Variants in AUTS2 observed in about 807,000 individuals in gnomAD.
AUTS2 encodes activator of transcription and developmental regulator AUTS2.
AUTS2 carries 17 observed loss-of-function variants against 112.4 expected under a neutral mutation model. That is an observed-to-expected ratio of 0.15 (90% CI 0.10 to 0.23). AUTS2 has a LOEUF of 0.23. Among genes scored for constraint, AUTS2 ranks in the 10% least tolerant of loss-of-function variants. The probability of loss-of-function intolerance (pLI) is 1.00; values close to 1 mark genes in which losing one functional copy is unlikely to be tolerated. For synonymous variants in AUTS2, 751 were observed against 702.7 expected, an observed-to-expected ratio of 1.07 and a Z score of -1.09; for missense variants, 1,510 against 1,701.6, an observed-to-expected ratio of 0.89 and a Z score of 1.98.
At chr7:69,731,375 G>A (rs1786783942) in intron 1 of AUTS2, among the ~76,000 whole-genome samples, 2 of 152,146 alleles carry the variant, frequency 1.3e-5, no homozygotes, top group Admixed American at 6.6e-5. Context: ...TGCCACTTAA[G>A]TGATTTGGGG....
At chr7:69,684,926 GCA>G (rs1796994238) in intron 1 of AUTS2, among the ~76,000 whole-genome samples, 1 of 152,176 alleles carries the variant, frequency 6.6e-6, no homozygotes, top group Non-Finnish European at 1.5e-5. Flanking sequence ...GTCTTTCCTG[GCA>G]GTTAAAATCT....
chr7:70,410,753 T>C (rs2130449399), intron 4 of AUTS2, among the ~76,000 whole-genome samples: 1 of 152,140 alleles, frequency 6.6e-6, no homozygotes, highest in East Asian at 1.9e-4. Flanking sequence ...AAGGACAGTC[T>C]CTTCTGGGAT....
chr7:70,633,410 G>A (rs1024221571), intron 5 of AUTS2, among the ~76,000 whole-genome samples: 5 of 152,104 alleles, frequency 3.3e-5, no homozygotes, highest in African/African-American at 1.2e-4. Flanking sequence ...TCAGGAGTTC[G>A]AGACCAGCCT....
intron 5 of AUTS2, among the ~76,000 whole-genome samples, chr7:70,693,116 A>T (rs956125447): frequency 6.6e-6 from 1 of 152,114 alleles, no homozygotes; most frequent in Non-Finnish European, 1.5e-5. Context: ...CCAAGGAGGG[A>T]CCTTGTCAAG....
At chr7:69,640,601 C>G (rs1318508959) in intron 1 of AUTS2, among the ~76,000 whole-genome samples, 1 of 152,148 alleles carries the variant, frequency 6.6e-6, no homozygotes, top group Non-Finnish European at 1.5e-5. Flanking sequence ...CATAAATATT[C>G]CACTCCTTTC....
chr7:70,350,385 G>A (rs1230447802), intron 4 of AUTS2, among the ~76,000 whole-genome samples: 1 of 152,092 alleles, frequency 6.6e-6, no homozygotes, highest in African/African-American at 2.4e-5. Flanking sequence ...CCTGAGACTG[G>A]GTAATTTATA....
chr7:70,401,262 T>G (rs893750982), intron 4 of AUTS2, among the ~76,000 whole-genome samples: 1 of 152,206 alleles, frequency 6.6e-6, no homozygotes, highest in Non-Finnish European at 1.5e-5. Context: ...CCTCCACATC[T>G]TCCTCCTTCC....
chr7:70,153,859 T>C (rs1462288165), intron 4 of AUTS2, among the ~76,000 whole-genome samples: 1 of 152,218 alleles, frequency 6.6e-6, no homozygotes, highest in African/African-American at 2.4e-5. Context: ...TCCTGTTTTA[T>C]AGAATTACGG....
At chr7:70,483,629 G>C (rs1562983743) in intron 5 of AUTS2, among the ~76,000 whole-genome samples, 1 of 152,210 alleles carries the variant, frequency 6.6e-6, no homozygotes, top group Non-Finnish European at 1.5e-5. Context: ...AAGATCTAAG[G>C]CTAGGTGATT....
intron 2 of AUTS2, among the ~76,000 whole-genome samples, chr7:70,005,276 A>G (rs573151620): frequency 6.6e-6 from 1 of 152,134 alleles, no homozygotes; most frequent in South Asian, 2.1e-4. Flanking sequence ...GGCCTTGCTT[A>G]TAATGCTGAA....
chr7:70,761,800 A>G (rs35363074), intron 6 of AUTS2, among the ~76,000 whole-genome samples: 20,815 of 152,204 alleles, frequency 0.14, 1,909 homozygotes, highest in East Asian at 0.38. Flanking sequence ...ACGATTGTAG[A>G]ATTTCACTTA....
chr7:69,750,580 C>T (rs1562857786), intron 1 of AUTS2, among the ~76,000 whole-genome samples: 1 of 151,798 alleles, frequency 6.6e-6, no homozygotes, highest in African/African-American at 2.4e-5. Flanking sequence ...ACTGTAGCCT[C>T]AAACTCTTGG....
At chr7:70,500,409 A>G (rs910402675) in intron 5 of AUTS2, among the ~76,000 whole-genome samples, 2 of 152,192 alleles carry the variant, frequency 1.3e-5, no homozygotes, top group Middle Eastern at 3.2e-3. Flanking sequence ...ACCCAAAGCA[A>G]TTGATAAAAA....
At chr7:69,800,701 C>T (rs1400824240) in intron 1 of AUTS2, among the ~76,000 whole-genome samples, 1 of 152,170 alleles carries the variant, frequency 6.6e-6, no homozygotes, top group Non-Finnish European at 1.5e-5. Flanking sequence ...GCCTTGGAGG[C>T]ATAGAAGCTC....
At chr7:70,395,756 G>C (rs1407123461) in intron 4 of AUTS2, among the ~76,000 whole-genome samples, 1 of 152,160 alleles carries the variant, frequency 6.6e-6, no homozygotes, top group African/African-American at 2.4e-5. Context: ...GAGCCTACGA[G>C]AGTCAGAAGA....
At chr7:69,625,761 G>A (rs995435645) in intron 1 of AUTS2, among the ~76,000 whole-genome samples, 1 of 152,134 alleles carries the variant, frequency 6.6e-6, no homozygotes, top group Non-Finnish European at 1.5e-5. Context: ...GGGAGGCTGA[G>A]GCAGTAGGAT....
intron 5 of AUTS2, chr7:70,436,017 G>T: frequency 2.5e-6 from 1 of 403,930 alleles, no homozygotes; most frequent in Admixed American, 4.3e-5. Flanking sequence ...ATGTGACACT[G>T]AGTTTTTACT....
chr7:69,669,660 A>G (rs1018076659), intron 1 of AUTS2, among the ~76,000 whole-genome samples: 4 of 152,176 alleles, frequency 2.6e-5, no homozygotes, highest in Non-Finnish European at 5.9e-5. Context: ...TTTGTTGGGA[A>G]AGATAACTCT....
At chr7:70,477,421 A>T (rs537978069) in intron 5 of AUTS2, among the ~76,000 whole-genome samples, 2 of 152,188 alleles carry the variant, frequency 1.3e-5, no homozygotes, top group Admixed American at 1.3e-4. Flanking sequence ...CGTGGAAGTC[A>T]CTTTTCCAGA....
Sources: gnomAD v4.1 joint callset for allele counts (sites outside exome capture counted in the v4.1 genomes callset) on GRCh38, gnomAD v4.1.1 for gene constraint, MANE v1.5 for transcripts, NCBI Gene and HGNC (gene_info 2026-07-23, HGNC 2026-07-21) for gene names.